The following CTNND2 variants were observed in gnomAD, a reference collection of about 807,000 sequenced individuals.
CTNND2 encodes catenin delta 2, also known as catenin delta-2.
A neutral mutation model predicts 144.4 loss-of-function variants in CTNND2; 22 were observed. That is an observed-to-expected ratio of 0.15 (90% CI 0.11 to 0.22). The LOEUF is 0.22. Ranked by LOEUF, CTNND2 falls within the 10% of genes least tolerant of loss-of-function variation. The pLI is 1.00. For synonymous variants in CTNND2, 751 were observed against 695.6 expected, an observed-to-expected ratio of 1.08 and a Z score of -1.25; for missense variants, 1,353 against 1,618.8, an observed-to-expected ratio of 0.84 and a Z score of 2.82.
chr5:11,111,097 T>G (rs1477854109), intron 13 of CTNND2, 54 bp from the exon 14 acceptor site: 2 of 1,538,782 alleles, frequency 1.3e-6, no homozygotes, highest in Admixed American at 1.8e-5. Flanking sequence ...CACTCAGCAC[T>G]CCATTCTTCC....
At position 11,564,981 on chromosome 5, in the gene CTNND2, T is replaced by C. The variant is rs1776962290; in HGVS notation, c.250A>G (p.Lys84Glu). The change falls in exon 3 of 22, where the codon AAG becomes GAG. Residue 84 changes from lysine (K) to glutamate (E), a missense_variant. Lys to Glu is a moderately conservative substitution (Grantham distance 56). Around this residue, in one of 4 missense-constraint regions of CTNND2, gnomAD observed 708 missense variants for 706.4 expected, o/e 1.00. Coordinates refer to ENST00000304623, the MANE Select transcript of CTNND2 (RefSeq NM_001332.4). ...QIVASQLERC[K>E]LGSETGSMSS... ...ATGCTGCCAGTCTCGGATCCGAGCTTGCATCGCTCCAGCTGGCTGGCTACG... is the reference window on the plus strand; with the variant it reads ...ATGCTGCCAGTCTCGGATCCGAGCTCGCATCGCTCCAGCTGGCTGGCTACG... 1.9e-6 allele frequency: 3 copies of C among 1,613,910 alleles called. No homozygotes were observed. The highest frequency in any genetic ancestry group is 1.3e-5 in the African/African-American group (1 of 74,922).
rs1761582290 is a variant in CTNND2 at position 11,412,018 on chromosome 5, A to G, written c.322+17T>C. ...ATGTTTAGAAGTGTAAGTGTTCATC[A>G]ATAAGATAGACATTACCTTGTGACT... is the stretch of plus-strand genomic sequence containing the variant. On this transcript the variant is annotated intron_variant, in intron 4 of 21. Coordinates refer to ENST00000304623, the MANE Select transcript of CTNND2 (RefSeq NM_001332.4). 1.9e-6 allele frequency: 3 copies of G among 1,601,244 alleles called. No individual in the cohort carries two copies. In the Middle Eastern group the frequency reaches 5.0e-4, roughly 267 times the overall value.
chr5:11,405,813 T>A (rs1303473375), intron 5 of CTNND2, among the ~76,000 whole-genome samples: 3 of 152,100 alleles, frequency 2.0e-5, no homozygotes, highest in African/African-American at 7.2e-5. Flanking sequence ...AAAGGAATGG[T>A]AGCATCAGCC....
At chr5:11,102,831 T>A (rs1167436061) in intron 14 of CTNND2, among the ~76,000 whole-genome samples, 1 of 152,090 alleles carries the variant, frequency 6.6e-6, no homozygotes, top group East Asian at 1.9e-4. Flanking sequence ...TAAAAAAAGG[T>A]CTGCTTAGGA....
chr5:11,094,244 C>T (rs1320120400), intron 15 of CTNND2, among the ~76,000 whole-genome samples: 2 of 152,150 alleles, frequency 1.3e-5, no homozygotes, highest in African/African-American at 4.8e-5. Flanking sequence ...AAATCTTTTG[C>T]AAATGCTTTC....
chr5:11,076,694 C>T lies in CTNND2; in HGVS notation c.2788+6002G>A, dbSNP rs571352573. On this transcript the variant is annotated intron_variant, in intron 16 of 21. Transcript: ENST00000304623. Reference sequence around the variant, plus strand: ...ATGGAAAGCCAAGGGAGAGGCAAAGCGTGTTTCATTCTGCTAGTGCTACTG... The same window carrying T: ...ATGGAAAGCCAAGGGAGAGGCAAAGTGTGTTTCATTCTGCTAGTGCTACTG... 8.5e-5 allele frequency among the ~76,000 whole-genome samples: 13 copies of T among 152,276 alleles called. No homozygotes were observed. The East Asian group carries it at 1.4e-3, about 16-fold the overall frequency.
chr5:11,049,444 C>T (rs967266858), intron 16 of CTNND2, among the ~76,000 whole-genome samples: 19 of 152,196 alleles, frequency 1.2e-4, no homozygotes, highest in African/African-American at 4.3e-4. Context: ...AGACAGTACA[C>T]TAACTTTCAA....
At chr5:11,323,533 A>T (rs907947289) in intron 9 of CTNND2, among the ~76,000 whole-genome samples, 1 of 152,174 alleles carries the variant, frequency 6.6e-6, no homozygotes, top group Non-Finnish European at 1.5e-5. Flanking sequence ...GGACTTGAAG[A>T]TGATGCTAGT....
At chr5:11,037,133 G>A (rs1409169231) in intron 16 of CTNND2, among the ~76,000 whole-genome samples, 1 of 152,148 alleles carries the variant, frequency 6.6e-6, no homozygotes, top group Non-Finnish European at 1.5e-5. Flanking sequence ...AACACACATT[G>A]GATGGAATAA....
chr5:11,451,309 A>G (rs1281086671), intron 3 of CTNND2, among the ~76,000 whole-genome samples: 1 of 152,170 alleles, frequency 6.6e-6, no homozygotes, highest in South Asian at 2.1e-4. Flanking sequence ...TTACCCCAAC[A>G]TTACCCTATT....
At chr5:11,326,082 T>G (rs1752493830) in intron 9 of CTNND2, among the ~76,000 whole-genome samples, 1 of 152,186 alleles carries the variant, frequency 6.6e-6, no homozygotes, top group African/African-American at 2.4e-5. Flanking sequence ...AACTGAAACC[T>G]GCTGAATATG....
At chr5:11,895,812 A>C (rs762188577) in intron 1 of CTNND2, among the ~76,000 whole-genome samples, 2 of 152,250 alleles carry the variant, frequency 1.3e-5, no homozygotes, top group Non-Finnish European at 2.9e-5. Flanking sequence ...AAGATAATTC[A>C]CAAAAAAATT....
chr5:11,678,333 G>A (rs1784270013), intron 2 of CTNND2, among the ~76,000 whole-genome samples: 1 of 152,126 alleles, frequency 6.6e-6, no homozygotes, highest in South Asian at 2.1e-4. Flanking sequence ...GTTTTCTGAA[G>A]CAGTGACTTC....
chr5:10,993,593 A>AT (rs1299813092), intron 18 of CTNND2, among the ~76,000 whole-genome samples: 2 of 152,180 alleles, frequency 1.3e-5, no homozygotes, highest in South Asian at 2.1e-4. Flanking sequence ...ATTCTTTTAG[A>AT]TTTTTTATTT....
chr5:11,666,981 T>A (rs1370560351), intron 2 of CTNND2, among the ~76,000 whole-genome samples: 1 of 151,952 alleles, frequency 6.6e-6, no homozygotes, highest in East Asian at 1.9e-4. Context: ...TGTGTTCTCA[T>A]TGTTCAATGC....
chr5:11,430,504 A>G (rs1763199707), intron 3 of CTNND2, among the ~76,000 whole-genome samples: 1 of 152,016 alleles, frequency 6.6e-6, no homozygotes. Context: ...AAAATGCAGG[A>G]AAGTTCCCAA....
Position 11,169,879 on chromosome 5 carries a change from A to G in CTNND2, c.1976-10120T>C, listed in dbSNP as rs530675715. On this transcript the variant is annotated intron_variant, in intron 11 of 21. Coordinates refer to ENST00000304623, the MANE Select transcript of CTNND2 (RefSeq NM_001332.4). Reference sequence around the variant, plus strand: ...GCAACCTTGATGAAGATATGGTGGCAGAGTAAAAAGAGCAACAGCTTTTTC... The same window carrying G: ...GCAACCTTGATGAAGATATGGTGGCGGAGTAAAAAGAGCAACAGCTTTTTC... Among the ~76,000 whole-genome samples, 7 of 152,026 alleles carry G rather than the reference A, an allele frequency of 4.6e-5. No homozygotes were observed. The South Asian group carries it at 1.0e-3, about 23-fold the overall frequency.
chr5:11,758,087 T>C (rs943168627), intron 1 of CTNND2, among the ~76,000 whole-genome samples: 1 of 152,022 alleles, frequency 6.6e-6, no homozygotes, highest in African/African-American at 2.4e-5. Flanking sequence ...ACAATACACA[T>C]TAGTTTCAAG....
intron 1 of CTNND2, among the ~76,000 whole-genome samples, chr5:11,823,142 CAAT>C (rs1204533559): frequency 2.0e-5 from 3 of 152,094 alleles, no homozygotes; most frequent in Non-Finnish European, 2.9e-5. Flanking sequence ...ATATATTCAA[CAAT>C]AATGAGAATT....
Sources: gnomAD v4.1 joint callset for allele counts (sites outside exome capture counted in the v4.1 genomes callset) on GRCh38, gnomAD v4.1.1 for gene constraint, gnomAD v4.1.1 regional missense constraint, MANE v1.5 for transcripts, NCBI Gene and HGNC (gene_info 2026-07-23, HGNC 2026-07-21) for gene names.